The following KCNMA1 variants were observed in gnomAD, a reference collection of about 807,000 sequenced individuals.
KCNMA1 encodes Calcium-activated potassium channel subunit alpha-1.
Under a neutral mutation model 140.0 loss-of-function variants are expected in KCNMA1, and 29 were observed. That is an observed-to-expected ratio of 0.21 (90% CI 0.15 to 0.28). The LOEUF is 0.28. KCNMA1 is among the 10% of genes least tolerant of loss of function. KCNMA1 has a pLI of 1.00. For missense variants in KCNMA1, 880 were observed against 1,602.2 expected, an observed-to-expected ratio of 0.55 and a Z score of 7.70; for synonymous variants, 612 against 611.9, an observed-to-expected ratio of 1.00 and a Z score of 0.00.
chr10:77,153,023 GC>G (rs1336707389), intron 5 of KCNMA1, among the ~76,000 whole-genome samples: 3 of 152,156 alleles, frequency 2.0e-5, no homozygotes, highest in Non-Finnish European at 4.4e-5. Context: ...AGTCTCAAGG[GC>G]ATCTTGAGAC....
At chr10:76,943,512 A>G (rs2063137985) in intron 23 of KCNMA1, among the ~76,000 whole-genome samples, 1 of 152,176 alleles carries the variant, frequency 6.6e-6, no homozygotes, top group African/African-American at 2.4e-5. Flanking sequence ...TGTAGCAGTG[A>G]AGACACTGGC....
At chr10:76,995,708 A>T (rs772849080) in intron 19 of KCNMA1, 1 of 470,284 alleles carries the variant, frequency 2.1e-6, no homozygotes, top group South Asian at 1.6e-5. Context: ...AGAACCGGCC[A>T]CTGTCCTGAA....
downstream of KCNMA1, chr10:76,872,337 C>G (rs939535415): frequency 6.6e-6 from 1 of 152,184 alleles, no homozygotes; most frequent in African/African-American, 2.4e-5. Flanking sequence ...CCCTTTAGCA[C>G]TCCTTGCTGC....
intron 1 of KCNMA1, among the ~76,000 whole-genome samples, chr10:77,487,346 G>A (rs866865): frequency 0.53 from 80,708 of 151,816 alleles, 21,689 homozygotes; most frequent in East Asian, 0.79. Flanking sequence ...TAGAAATCTC[G>A]CAAGTCAACT....
At chr10:77,041,649 T>C (rs903057073) in intron 14 of KCNMA1, among the ~76,000 whole-genome samples, 5 of 152,186 alleles carry the variant, frequency 3.3e-5, no homozygotes, top group Admixed American at 6.5e-5. Flanking sequence ...AAGGAGAACG[T>C]TGAGCCGCTA....
At chr10:77,323,006 G>T (rs1046697818) in intron 2 of KCNMA1, among the ~76,000 whole-genome samples, 2 of 152,182 alleles carry the variant, frequency 1.3e-5, no homozygotes, top group African/African-American at 4.8e-5. Flanking sequence ...CTAAGACCAC[G>T]TAATTGACTG....
At chr10:77,046,252 T>C (rs2095047430) in intron 14 of KCNMA1, among the ~76,000 whole-genome samples, 1 of 152,208 alleles carries the variant, frequency 6.6e-6, no homozygotes, top group Non-Finnish European at 1.5e-5. Context: ...TTTGAATGAA[T>C]ATTTATATAT....
intron 5 of KCNMA1, among the ~76,000 whole-genome samples, chr10:77,154,952 A>G (rs1229350979): frequency 6.6e-6 from 1 of 152,212 alleles, no homozygotes; most frequent in Non-Finnish European, 1.5e-5. Context: ...ATGAGGTGAT[A>G]GATCAGTGGA....
At chr10:77,150,035 G>A (rs978320413) in intron 5 of KCNMA1, 2 of 151,934 alleles carry the variant, frequency 1.3e-5, no homozygotes, top group Admixed American at 1.3e-4. Context: ...AGTTGGTCTC[G>A]GGCTATGAAA....
At chr10:77,182,456 T>A (rs1381912544) in intron 5 of KCNMA1, among the ~76,000 whole-genome samples, 2 of 152,146 alleles carry the variant, frequency 1.3e-5, no homozygotes, top group African/African-American at 4.8e-5. Flanking sequence ...CACCACCATC[T>A]CTAAAACACT....
chr10:77,174,163 GC>G (rs764502313), intron 5 of KCNMA1, among the ~76,000 whole-genome samples: 89 of 152,234 alleles, frequency 5.8e-4, no homozygotes, highest in Non-Finnish European at 1.1e-3. Flanking sequence ...TGTCTCTTGT[GC>G]TTTTTGGCCT....
intron 19 of KCNMA1, among the ~76,000 whole-genome samples, chr10:76,972,603 T>C (rs1198830862): frequency 6.6e-6 from 1 of 152,246 alleles, no homozygotes; most frequent in Non-Finnish European, 1.5e-5. Flanking sequence ...GCCTCTTCTA[T>C]GCAAAGAAAC....
chr10:77,194,308 C>A (rs899619278), intron 3 of KCNMA1, among the ~76,000 whole-genome samples: 8 of 152,186 alleles, frequency 5.3e-5, no homozygotes, highest in Non-Finnish European at 7.3e-5. Context: ...CACTGTGGGA[C>A]TTCTTTGGGC....
intron 2 of KCNMA1, among the ~76,000 whole-genome samples, chr10:77,371,524 T>G (rs1439785): frequency 0.2 from 30,467 of 152,150 alleles, 3,350 homozygotes; most frequent in East Asian, 0.33. Context: ...TTCACAACAA[T>G]GCAGATTTCT....
At chr10:77,467,237 G>C (rs957016640) in intron 1 of KCNMA1, among the ~76,000 whole-genome samples, 3 of 152,200 alleles carry the variant, frequency 2.0e-5, no homozygotes, top group South Asian at 2.1e-4. Context: ...GACTGTGTCA[G>C]TTTTCATCTT....
At chr10:77,291,766 A>G (rs1220145022) in intron 2 of KCNMA1, among the ~76,000 whole-genome samples, 1 of 152,194 alleles carries the variant, frequency 6.6e-6, no homozygotes, top group Non-Finnish European at 1.5e-5. Context: ...CAAGTGCCTC[A>G]TATGTGCTGG....
At chr10:77,078,197 T>C (rs2096458649) in intron 13 of KCNMA1, 1 of 152,214 alleles carries the variant, frequency 6.6e-6, no homozygotes, top group African/African-American at 2.4e-5. Context: ...GGGTACGCTG[T>C]TACTCATAAC....
chr10:76,960,364 A>G (rs2070595716), intron 20 of KCNMA1, among the ~76,000 whole-genome samples: 2 of 151,732 alleles, frequency 1.3e-5, no homozygotes, highest in Non-Finnish European at 2.9e-5. Flanking sequence ...ACATGGTAAA[A>G]CCCCATCTCT....
intron 19 of KCNMA1, among the ~76,000 whole-genome samples, chr10:76,977,109 T>A (rs1205391065): frequency 6.6e-6 from 1 of 152,178 alleles, no homozygotes; most frequent in Non-Finnish European, 1.5e-5. Flanking sequence ...AAGCCAACTT[T>A]CGGCTTTGTG....
Sources: gnomAD v4.1 joint callset for allele counts (sites outside exome capture counted in the v4.1 genomes callset) on GRCh38, gnomAD v4.1.1 for gene constraint, MANE v1.5 for transcripts, NCBI Gene and HGNC (gene_info 2026-07-23, HGNC 2026-07-21) for gene names.